Variants in TIAM2 observed in about 807,000 individuals in gnomAD.
TIAM2 encodes the protein TIAM Rac1 associated GEF 2.
A neutral mutation model predicts 152.9 loss-of-function variants in TIAM2; 80 were observed. The observed-to-expected ratio is 0.52, with a 90% CI of 0.44 to 0.63. The LOEUF is 0.63. Ranked by LOEUF, TIAM2 falls within the 30% of genes least tolerant of loss-of-function variation. TIAM2 has a pLI of 0.00. For synonymous variants in TIAM2, 804 were observed against 838.0 expected (o/e 0.96, Z 0.70); for missense variants, 1,965 against 2,120.1 (o/e 0.93, Z 1.44).
chr6:155,202,416 T>C (rs1293975845), intron 14 of TIAM2, among the ~76,000 whole-genome samples: 1 of 152,176 alleles, frequency 6.6e-6, no homozygotes, highest in African/African-American at 2.4e-5. Flanking sequence ...AATTTAAATT[T>C]ATTTAGAAGA....
intron 1 of TIAM2, among the ~76,000 whole-genome samples, chr6:155,059,294 CTGTGTGTGTGTGTG>C (rs56013145): frequency 1.0e-4 from 12 of 117,304 alleles, no homozygotes; most frequent in African/African-American, 3.7e-4. Context: ...GTGTGTGTGT[CTGTGTGTGTGTGTG>C]TGTGTGTGTG....
chr6:155,248,350 C>T (rs563871413), intron 20 of TIAM2, among the ~76,000 whole-genome samples, 171 bp downstream of exon 20: 2 of 152,346 alleles, frequency 1.3e-5, no homozygotes, highest in Non-Finnish European at 1.5e-5. Context: ...GTGAAACTAG[C>T]TAGGCGTCTG....
intron 1 of TIAM2, among the ~76,000 whole-genome samples, chr6:155,025,624 G>C (rs1482318503): frequency 6.6e-6 from 1 of 151,988 alleles, no homozygotes; most frequent in Non-Finnish European, 1.5e-5. Context: ...CGGGCAAAGA[G>C]GAGGTTATTT....
chr6:155,151,232 T>C, intron 7 of TIAM2, among the ~76,000 whole-genome samples: 1 of 152,186 alleles, frequency 6.6e-6, no homozygotes, highest in East Asian at 1.9e-4. Context: ...CCTGAGGGCT[T>C]CTCTTTTTAT....
Position 155,244,753 on chromosome 6 carries a change from T to C in TIAM2, c.3513T>C (p.Phe1171=), listed in dbSNP as rs759035873. Residue 1171 remains phenylalanine (F), a synonymous_variant, in exon 18 of 27, where the codon TTT becomes TTC. Transcript: ENST00000682666. Reference sequence around the variant, plus strand: ...ATGGGATTTCAGCATCATCTGACTTTAACACCCTAGAAACCCCCTCACAGT... The same window carrying C: ...ATGGGATTTCAGCATCATCTGACTTCAACACCCTAGAAACCCCCTCACAGT... ...LEDGISASSD[F]NTLETPSQFR... is the part of the protein sequence containing the mutation. 8 of 1,613,724 alleles carry C rather than the reference T, an allele frequency of 5.0e-6. No individual in the cohort carries two copies. The highest frequency in any genetic ancestry group is 8.5e-7 in the Non-Finnish European group (1 of 1,179,854).
intron 1 of TIAM2, among the ~76,000 whole-genome samples, chr6:155,064,542 G>A (rs759390335): frequency 1.2e-4 from 18 of 152,152 alleles, no homozygotes; most frequent in East Asian, 3.9e-4. Context: ...AGAGCCACCC[G>A]GCACCACAGG....
chr6:155,231,754 A>C (rs1027549906), intron 15 of TIAM2, among the ~76,000 whole-genome samples: 1 of 152,242 alleles, frequency 6.6e-6, no homozygotes, highest in Non-Finnish European at 1.5e-5. Context: ...TGTGCAGTCC[A>C]GATGTGCAGG....
At chr6:155,040,509 A>G (rs151309725) in intron 1 of TIAM2, among the ~76,000 whole-genome samples, 8 of 152,160 alleles carry the variant, frequency 5.3e-5, no homozygotes, top group South Asian at 2.1e-4. Context: ...CAAGAGCACA[A>G]TTCTTTTTTT....
intron 1 of TIAM2, among the ~76,000 whole-genome samples, chr6:155,077,768 T>A (rs1408120494): frequency 6.6e-6 from 1 of 152,150 alleles, no homozygotes; most frequent in Admixed American, 6.5e-5. Context: ...GCGTAATTGT[T>A]TTCATTTTGC....
intron 1 of TIAM2, among the ~76,000 whole-genome samples, chr6:155,057,787 C>A (rs1027503856): frequency 4.0e-5 from 6 of 151,774 alleles, no homozygotes; most frequent in Admixed American, 3.9e-4. Flanking sequence ...CTCAGGTGAT[C>A]CACCTGCCTC....
intron 1 of TIAM2, among the ~76,000 whole-genome samples, chr6:155,034,024 G>A (rs7383381): frequency 0.21 from 31,117 of 149,522 alleles, 3,441 homozygotes; most frequent in Middle Eastern, 0.28. Flanking sequence ...GCCTCTCTTG[G>A]CTTTCTTCTC....
intron 15 of TIAM2, among the ~76,000 whole-genome samples, chr6:155,231,781 G>C (rs1007360489): frequency 6.6e-6 from 1 of 152,242 alleles, no homozygotes; most frequent in Non-Finnish European, 1.5e-5. Context: ...CTCCACTCAA[G>C]AGCATCATCT....
chr6:155,152,266 G>A (rs1779989821), intron 7 of TIAM2, among the ~76,000 whole-genome samples: 1 of 152,244 alleles, frequency 6.6e-6, no homozygotes, highest in Non-Finnish European at 1.5e-5. Flanking sequence ...AAACTGCCAA[G>A]AAGAATGCAG....
intron 21 of TIAM2, chr6:155,250,482 G>T: frequency 7.0e-7 from 1 of 1,428,926 alleles, no homozygotes; most frequent in South Asian, 1.2e-5. Context: ...AACAGGAAAG[G>T]ACTGGAGATC....
At chr6:155,158,690 G>T (rs1004941813) in intron 7 of TIAM2, among the ~76,000 whole-genome samples, 1 of 151,726 alleles carries the variant, frequency 6.6e-6, no homozygotes, top group Non-Finnish European at 1.5e-5. Flanking sequence ...ACATAGATGG[G>T]GCTACAGGTG....
chr6:155,166,614 C>T (rs973670732), intron 9 of TIAM2, among the ~76,000 whole-genome samples: 9 of 152,204 alleles, frequency 5.9e-5, no homozygotes, highest in African/African-American at 2.2e-4. Flanking sequence ...AGCCACCGTG[C>T]CTGGCCTCTT....
At chr6:155,117,377 T>A (rs1452094005) in intron 2 of TIAM2, among the ~76,000 whole-genome samples, 2 of 152,150 alleles carry the variant, frequency 1.3e-5, no homozygotes, top group Non-Finnish European at 2.9e-5. Flanking sequence ...AACATACCAG[T>A]AATATTTGTG....
At chr6:155,245,511 C>A in intron 18 of TIAM2, 112 bp from the exon 19 acceptor site, 2 of 885,460 alleles carry the variant, frequency 2.3e-6, no homozygotes, top group Non-Finnish European at 3.6e-6. Flanking sequence ...TGAACTTCTC[C>A]AAGGCATTAG....
intron 1 of TIAM2, among the ~76,000 whole-genome samples, chr6:155,011,449 T>A (rs538373387): frequency 6.6e-6 from 1 of 152,052 alleles, no homozygotes; most frequent in Non-Finnish European, 1.5e-5. Flanking sequence ...AATAACTGAG[T>A]GTGAGATATT....
Sources: allele counts gnomAD v4.1 joint callset (sites outside exome capture counted in the v4.1 genomes callset), GRCh38; gene constraint gnomAD v4.1.1; transcripts MANE v1.5; gene names NCBI Gene and HGNC (gene_info 2026-07-23, HGNC 2026-07-21).